The following PRELID2 variants were observed in gnomAD, a reference collection of about 807,000 sequenced individuals.
PRELID2 encodes the protein PRELI domain-containing protein 2.
Under a neutral mutation model 28.4 loss-of-function variants are expected in PRELID2, and 25 were observed. The ratio of observed to expected loss-of-function variants is 0.88; its 90% confidence interval spans 0.64 to 1.23. The LOEUF (loss-of-function observed/expected upper bound fraction) is 1.23, where lower values mean the gene tolerates loss of function less well. PRELID2 is among the 50% of genes most tolerant of loss of function. The probability of loss-of-function intolerance (pLI) is 0.00; values close to 1 mark genes in which losing one functional copy is unlikely to be tolerated. For synonymous variants in PRELID2, 76 were observed against 71.6 expected, an observed-to-expected ratio of 1.06 and a Z score of -0.31; for missense variants, 201 against 214.4, an observed-to-expected ratio of 0.94 and a Z score of 0.39.
At chr5:145,261,617 G>A in the PRELID2 span, among the ~76,000 whole-genome samples, 1 of 152,164 alleles carries the variant, frequency 6.6e-6, no homozygotes, top group African/African-American at 2.4e-5. Flanking sequence ...CAGCTCTCAG[G>A]AATTCCCGTC....
chr5:145,425,714 A>G, the PRELID2 span, among the ~76,000 whole-genome samples: 1 of 152,132 alleles, frequency 6.6e-6, no homozygotes, highest in African/African-American at 2.4e-5. Context: ...ATGAAAACAT[A>G]TGGACACATG....
chr5:145,662,927 A>C (rs900122015), intron 1 of PRELID2, among the ~76,000 whole-genome samples: 1 of 152,184 alleles, frequency 6.6e-6, no homozygotes, highest in Non-Finnish European at 1.5e-5. Flanking sequence ...ACAGTCTTCA[A>C]ACCAGAAGTA....
intron 1 of PRELID2, among the ~76,000 whole-genome samples, chr5:145,491,574 T>C (rs568267346): frequency 7.5e-5 from 11 of 146,284 alleles, no homozygotes; most frequent in African/African-American, 2.7e-4. Context: ...ACTCTCTTAG[T>C]GCTTTTCAAG....
At chr5:145,548,630 G>A (rs1752806958) in intron 1 of PRELID2, among the ~76,000 whole-genome samples, 1 of 152,090 alleles carries the variant, frequency 6.6e-6, no homozygotes, top group Admixed American at 6.5e-5. Flanking sequence ...CTCTGTGGTT[G>A]ATAGCCACTT....
intron 1 of PRELID2, among the ~76,000 whole-genome samples, chr5:145,690,010 G>A (rs868647258): frequency 4.9e-4 from 61 of 123,306 alleles, no homozygotes; most frequent in African/African-American, 1.9e-3. Context: ...TTTTTTTTGA[G>A]ACAAAGTCTA....
chr5:145,584,832 T>C (rs1046304849), intron 1 of PRELID2, among the ~76,000 whole-genome samples: 2 of 152,202 alleles, frequency 1.3e-5, no homozygotes, highest in African/African-American at 4.8e-5. Flanking sequence ...TTTACACTGT[T>C]GGTGGAAGTG....
intron 1 of PRELID2, among the ~76,000 whole-genome samples, chr5:145,691,783 C>T (rs57531568): frequency 0.064 from 9,738 of 152,122 alleles, 521 homozygotes; most frequent in Admixed American, 0.18. Flanking sequence ...AAAAGACAGC[C>T]AGTGGTTGGC....
rs960034805 is a variant in PRELID2 at position 145,494,001 on chromosome 5, G to A, written n.71-20686C>T. ...TAATTCTTTTAAAACTTCGTAAGTCGCTTGTTCACAGTGATAATAGATTCC... is the reference window on the plus strand; with the variant it reads ...TAATTCTTTTAAAACTTCGTAAGTCACTTGTTCACAGTGATAATAGATTCC... On this transcript the variant is annotated intron_variant and non_coding_transcript_variant, in intron 1 of 2. Transcript: ENST00000510259. Among the ~76,000 whole-genome samples, 8 of 152,180 alleles carry A rather than the reference G, an allele frequency of 5.3e-5. No individual in the cohort carries two copies. In the East Asian group the frequency reaches 5.8e-4, roughly 11 times the overall value.
At chr5:145,652,955 C>T (rs190515856) in intron 1 of PRELID2, among the ~76,000 whole-genome samples, 4 of 152,244 alleles carry the variant, frequency 2.6e-5, no homozygotes, top group East Asian at 1.9e-4. Flanking sequence ...CACAGACTGG[C>T]AAATTGGATA....
At chr5:145,548,808 C>T (rs1006870709) in intron 1 of PRELID2, among the ~76,000 whole-genome samples, 1 of 152,204 alleles carries the variant, frequency 6.6e-6, no homozygotes, top group Non-Finnish European at 1.5e-5. Context: ...GAGCTAACTG[C>T]ATCTCTTCCG....
At chr5:145,630,194 G>A (rs997410213) in intron 1 of PRELID2, among the ~76,000 whole-genome samples, 38 of 152,020 alleles carry the variant, frequency 2.5e-4, no homozygotes, top group East Asian at 3.9e-4. Flanking sequence ...CTGTGGATAG[G>A]TGGATGGATG....
intron 1 of PRELID2, among the ~76,000 whole-genome samples, chr5:145,713,350 TTATA>T (rs148194664): frequency 0.033 from 4,080 of 124,672 alleles, 264 homozygotes; most frequent in African/African-American, 0.11. Flanking sequence ...ATATCTGACT[TTATA>T]TATATATATA....
the PRELID2 span, among the ~76,000 whole-genome samples, chr5:145,346,826 G>A: frequency 6.6e-6 from 1 of 152,092 alleles, no homozygotes; most frequent in Non-Finnish European, 1.5e-5. Flanking sequence ...TGTGAACTCT[G>A]CTTATCTTTA....
the PRELID2 span, among the ~76,000 whole-genome samples, chr5:145,337,141 C>G: frequency 2.6e-5 from 4 of 151,226 alleles, no homozygotes; most frequent in Non-Finnish European, 5.9e-5. Context: ...AAGAACCCAG[C>G]ATAACACCTT....
intron 1 of PRELID2, among the ~76,000 whole-genome samples, chr5:145,745,823 T>C (rs1049440870): frequency 6.6e-6 from 1 of 151,234 alleles, no homozygotes; most frequent in Admixed American, 6.6e-5. Flanking sequence ...GATCACACCA[T>C]TGCACTCCAC....
chr5:145,506,808 C>T (rs1580961868), intron 1 of PRELID2, among the ~76,000 whole-genome samples: 1 of 152,178 alleles, frequency 6.6e-6, no homozygotes, highest in African/African-American at 2.4e-5. Flanking sequence ...TTTTCTGTTC[C>T]CACATTTATT....
the PRELID2 span, among the ~76,000 whole-genome samples, chr5:145,320,687 C>G: frequency 1.3e-5 from 2 of 152,016 alleles, no homozygotes; most frequent in Non-Finnish European, 2.9e-5. Flanking sequence ...TTTTTTCGAT[C>G]ACTGTTAATA....
chr5:145,547,388 C>A (rs10214350), intron 1 of PRELID2, among the ~76,000 whole-genome samples: 46,080 of 151,802 alleles, frequency 0.3, 8,333 homozygotes, highest in African/African-American at 0.51. Context: ...CACATGGACC[C>A]GGCCTTTCCT....
At chr5:145,746,143 C>A (rs904805159) in intron 1 of PRELID2, among the ~76,000 whole-genome samples, 2 of 151,798 alleles carry the variant, frequency 1.3e-5, no homozygotes, top group Non-Finnish European at 2.9e-5. Context: ...TCATGATGAC[C>A]AGATCAAATT....
Sources: gnomAD v4.1 joint callset for allele counts (sites outside exome capture counted in the v4.1 genomes callset) on GRCh38, gnomAD v4.1.1 for gene constraint, MANE v1.5 for transcripts, NCBI Gene and HGNC (gene_info 2026-07-23, HGNC 2026-07-21) for gene names.